The following AGBL4 variants were observed in gnomAD, a reference collection of about 807,000 sequenced individuals.
The protein encoded by AGBL4 is AGBL carboxypeptidase 4.
AGBL4 carries 58 observed loss-of-function variants against 66.4 expected under a neutral mutation model. The observed-to-expected ratio is 0.87, with a 90% CI of 0.71 to 1.09. The LOEUF (loss-of-function observed/expected upper bound fraction) is 1.09. AGBL4 is among the 50% of genes least tolerant of loss of function. AGBL4 has a pLI of 0.00. For synonymous variants in AGBL4, 234 were observed against 222.9 expected (o/e 1.05, Z -0.44); for missense variants, 579 against 631.0 (o/e 0.92, Z 0.88).
chr1:49,566,074 T>G (rs1052290660), intron 3 of AGBL4, among the ~76,000 whole-genome samples: 1 of 152,216 alleles, frequency 6.6e-6, no homozygotes, highest in Non-Finnish European at 1.5e-5. Flanking sequence ...CTGATACCCT[T>G]TCTTCCCGTT....
intron 5 of AGBL4, among the ~76,000 whole-genome samples, chr1:48,883,665 T>C (rs1026213923): frequency 2.0e-5 from 3 of 152,204 alleles, no homozygotes; most frequent in African/African-American, 7.2e-5. Flanking sequence ...GAGAACTGTG[T>C]CCCATTCACC....
chr1:48,976,621 C>T (rs926635919), intron 5 of AGBL4, among the ~76,000 whole-genome samples: 7 of 152,248 alleles, frequency 4.6e-5, no homozygotes, highest in Non-Finnish European at 8.8e-5. Flanking sequence ...CATTTTGCTG[C>T]AAAGACATAG....
At chr1:49,016,793 A>G (rs773259600) in intron 5 of AGBL4, among the ~76,000 whole-genome samples, 11 of 152,190 alleles carry the variant, frequency 7.2e-5, no homozygotes, top group Non-Finnish European at 1.5e-4. Flanking sequence ...GCACATTGCC[A>G]CTTGGAGCCC....
chr1:49,024,124 AAG>A (rs990808980), intron 5 of AGBL4, among the ~76,000 whole-genome samples: 24 of 152,152 alleles, frequency 1.6e-4, no homozygotes, highest in African/African-American at 5.1e-4. Flanking sequence ...TACTAACAAA[AAG>A]AAATTACAGA....
chr1:48,793,195 T>C (rs539336460), intron 6 of AGBL4, among the ~76,000 whole-genome samples: 14 of 152,300 alleles, frequency 9.2e-5, no homozygotes, highest in African/African-American at 2.6e-4. Flanking sequence ...AGATAATTAA[T>C]GATCTATAAA....
intron 6 of AGBL4, among the ~76,000 whole-genome samples, chr1:48,733,109 G>T (rs960355341): frequency 3.9e-5 from 6 of 152,132 alleles, no homozygotes; most frequent in Non-Finnish European, 7.4e-5. Context: ...GGTGTAGCTC[G>T]TCTTTCCAGG....
chr1:49,703,109 A>G (rs1221114053), intron 2 of AGBL4, among the ~76,000 whole-genome samples: 2 of 152,148 alleles, frequency 1.3e-5, no homozygotes, highest in African/African-American at 4.8e-5. Flanking sequence ...CCAGAAAAAA[A>G]AGCATTCATA....
chr1:48,983,962 A>G (rs143512443), intron 5 of AGBL4, among the ~76,000 whole-genome samples: 2 of 152,288 alleles, frequency 1.3e-5, no homozygotes, highest in African/African-American at 4.8e-5. Flanking sequence ...AACAGGGAAC[A>G]CAGCAAGGAA....
intron 3 of AGBL4, among the ~76,000 whole-genome samples, chr1:49,565,631 C>T (rs1435534633): frequency 1.3e-5 from 2 of 152,094 alleles, no homozygotes; most frequent in African/African-American, 2.4e-5. Context: ...GAATATTGGC[C>T]CCCACTCTCT....
intron 1 of AGBL4, chr1:49,994,682 T>A (rs1425493350): frequency 6.1e-6 from 1 of 164,960 alleles, no homozygotes; most frequent in African/African-American, 2.4e-5. Flanking sequence ...CAGAGCAGCA[T>A]ATGGAGACTT....
rs545906741 is a variant in AGBL4 at position 49,398,649 on chromosome 1, C to T, written c.283-152785G>A. On this transcript the variant is annotated intron_variant, in intron 3 of 13. Coordinates refer to ENST00000371839, the MANE Select transcript of AGBL4 (RefSeq NM_032785.4). ...CTTTATCAGTAAATAGTGCAACTTG[C>T]CATCCATTAGTCAAAGCCAGAAATC... 3.9e-5 allele frequency among the ~76,000 whole-genome samples: 6 copies of T among 152,234 alleles called. No individual in the cohort carries two copies. The East Asian group carries it at 1.2e-3, about 29-fold the overall frequency.
intron 8 of AGBL4, among the ~76,000 whole-genome samples, chr1:48,652,727 C>T (rs1197326316): frequency 2.0e-5 from 3 of 152,134 alleles, no homozygotes; most frequent in African/African-American, 7.2e-5. Flanking sequence ...GGCAGATAAT[C>T]TTCTGGGCAG....
At chr1:49,237,538 A>AAAACC (rs1650875333) in intron 4 of AGBL4, among the ~76,000 whole-genome samples, 3 of 2,856 alleles carry the variant, frequency 1.1e-3, no homozygotes, top group African/African-American at 1.4e-3. Context: ...ATATATATAT[A>AAAACC]TATATATATA....
intron 4 of AGBL4, among the ~76,000 whole-genome samples, chr1:49,057,132 G>T (rs1487096352): frequency 1.3e-5 from 2 of 152,164 alleles, no homozygotes; most frequent in African/African-American, 4.8e-5. Context: ...CCAGAGTGGT[G>T]GCTCATGCTT....
At chr1:48,637,827 AT>A (rs978003768) in intron 8 of AGBL4, among the ~76,000 whole-genome samples, 2 of 152,172 alleles carry the variant, frequency 1.3e-5, no homozygotes, top group African/African-American at 4.8e-5. Flanking sequence ...AGATGGCCCT[AT>A]GAAATAAGTC....
chr1:49,704,595 T>C (rs551656693), intron 2 of AGBL4, among the ~76,000 whole-genome samples: 2 of 152,302 alleles, frequency 1.3e-5, no homozygotes, highest in South Asian at 4.1e-4. Flanking sequence ...CATCTTGAGC[T>C]AATTTTTGTA....
chr1:48,605,042 A>G (rs953870334), intron 9 of AGBL4, among the ~76,000 whole-genome samples: 1 of 152,226 alleles, frequency 6.6e-6, no homozygotes, highest in African/African-American at 2.4e-5. Context: ...AACAACCTAC[A>G]CAACTTGTTT....
intron 3 of AGBL4, among the ~76,000 whole-genome samples, chr1:49,629,733 T>C (rs2124349516): frequency 6.6e-6 from 1 of 152,300 alleles, no homozygotes; most frequent in East Asian, 1.9e-4. Flanking sequence ...TGGTCATCAG[T>C]CCCTTTGGAA....
intron 2 of AGBL4, among the ~76,000 whole-genome samples, chr1:49,808,806 G>A (rs537744849): frequency 6.6e-6 from 1 of 152,180 alleles, no homozygotes; most frequent in Admixed American, 6.5e-5. Context: ...TATGATTCAA[G>A]TTAGCAGTCT....
Sources: allele counts gnomAD v4.1 joint callset (sites outside exome capture counted in the v4.1 genomes callset), GRCh38; gene constraint gnomAD v4.1.1; transcripts MANE v1.5; gene names NCBI Gene and HGNC (gene_info 2026-07-23, HGNC 2026-07-21).